CFHR5: variants seen among roughly 807,000 people sequenced by gnomAD.
CFHR5 encodes the protein complement factor H related 5.
In CFHR5, 73 loss-of-function variants were observed where a neutral mutation model predicts 62.9. That is an observed-to-expected ratio of 1.16 (90% CI 0.96 to 1.41). The LOEUF (loss-of-function observed/expected upper bound fraction) is 1.41. CFHR5 is among the 40% of genes most tolerant of loss of function. The probability of loss-of-function intolerance (pLI) is 0.00; values close to 1 mark genes in which losing one functional copy is unlikely to be tolerated. For synonymous variants in CFHR5, 249 were observed against 227.2 expected (o/e 1.10, Z -0.86); for missense variants, 779 against 679.9 (o/e 1.15, Z -1.62).
chr1:196,986,879 T>A (rs1012700973), intron 3 of CFHR5, among the ~76,000 whole-genome samples: 1 of 152,200 alleles, frequency 6.6e-6, no homozygotes, highest in Non-Finnish European at 1.5e-5. Context: ...TATGGGTATA[T>A]ACCCAGTAAT....
chr1:196,985,717 C>G (rs1415734965), intron 3 of CFHR5, among the ~76,000 whole-genome samples: 1 of 152,090 alleles, frequency 6.6e-6, no homozygotes, highest in African/African-American at 2.4e-5. Context: ...CCAGCGTAAC[C>G]CATACAAGCT....
chr1:197,001,709 C>G (rs893682754), intron 7 of CFHR5, among the ~76,000 whole-genome samples: 18 of 131,926 alleles, frequency 1.4e-4, no homozygotes, highest in Admixed American at 6.1e-4. Context: ...CCCCTCCCCC[C>G]ACCCCACAAC....
chr1:196,995,903 A>G lies in CFHR5; in HGVS notation c.790+4A>G. 1 of 1,610,596 alleles carries G rather than the reference A, an allele frequency of 6.2e-7. No homozygotes were observed. Among genetic ancestry groups the G allele is most frequent in the Non-Finnish European group, 8.5e-7 (1 of 1,177,040 alleles). On this transcript the variant is annotated splice_donor_region_variant and intron_variant, in intron 5 of 9. Coordinates refer to ENST00000256785, the MANE Select transcript of CFHR5 (RefSeq NM_030787.4). ...ACAACTTTACCCACTTGTGTTGGTA[A>G]ATAAATATTAACATTTAAACAGGAC...
At chr1:196,992,394 T>G (rs1283249938) in intron 3 of CFHR5, among the ~76,000 whole-genome samples, 1 of 151,898 alleles carries the variant, frequency 6.6e-6, no homozygotes, top group Non-Finnish European at 1.5e-5. Flanking sequence ...GTGCAGTATT[T>G]GTGTGTGAGT....
chr1:196,977,917 C>G (rs1653439422), intron 1 of CFHR5, among the ~76,000 whole-genome samples, 195 bp downstream of exon 1: 1 of 152,122 alleles, frequency 6.6e-6, no homozygotes, highest in Admixed American at 6.5e-5. Flanking sequence ...AATTAATTCT[C>G]TCCGTTCTCT....
intron 3 of CFHR5, among the ~76,000 whole-genome samples, chr1:196,988,627 TCACG>T (rs1176718792): frequency 5.3e-5 from 8 of 152,160 alleles, no homozygotes; most frequent in Non-Finnish European, 8.8e-5. Flanking sequence ...ATTGAGATAA[TCACG>T]TGTTTTTGTC....
chr1:196,980,653 G>T (rs1381862536), intron 1 of CFHR5, among the ~76,000 whole-genome samples: 1 of 151,306 alleles, frequency 6.6e-6, no homozygotes, highest in Non-Finnish European at 1.5e-5. Context: ...TATATTCACA[G>T]TATTCTATCA....
Position 197,008,477 on chromosome 1 carries a change from C to A in CFHR5, c.1514-10C>A. On this transcript the variant is annotated splice_polypyrimidine_tract_variant and intron_variant, in intron 9 of 9. Transcript: ENST00000256785. Reference sequence around the variant, plus strand: ...ATTTATTTATTTTATTTTACCATTTCTTCTTTCAGATCCATGTGTGGTATC... The same window carrying A: ...ATTTATTTATTTTATTTTACCATTTATTCTTTCAGATCCATGTGTGGTATC... 2 of 1,508,990 alleles carry A rather than the reference C, an allele frequency of 1.3e-6. No individual in the cohort carries two copies. The highest frequency in any genetic ancestry group is 1.8e-6 in the Non-Finnish European group (2 of 1,106,596). The allele number at this position is 1,508,990 out of a possible 1,614,324, so 93.5% of individuals were successfully genotyped here.
At chr1:197,002,817 AG>A (rs1449932711) in intron 8 of CFHR5, among the ~76,000 whole-genome samples, 153 bp downstream of exon 8, 7 of 152,202 alleles carry the variant, frequency 4.6e-5, no homozygotes, top group Admixed American at 1.3e-4. Context: ...CATTTAAAAA[AG>A]TTTCTCTAAG....
At chr1:196,992,817 T>C (rs2125032764) in intron 3 of CFHR5, among the ~76,000 whole-genome samples, 1 of 152,326 alleles carries the variant, frequency 6.6e-6, no homozygotes, top group African/African-American at 2.4e-5. Context: ...AGACACATTC[T>C]CTTGGGATTT....
chr1:197,008,300 A>T (rs1654344404), intron 9 of CFHR5, among the ~76,000 whole-genome samples, 187 bp from the exon 10 acceptor site: 1 of 151,626 alleles, frequency 6.6e-6, no homozygotes, highest in Non-Finnish European at 1.5e-5. Flanking sequence ...TTATTTCCTC[A>T]TATGTAGCCC....
intron 7 of CFHR5, among the ~76,000 whole-genome samples, chr1:196,999,722 T>TATATATATATATATACAC (rs1164729053): frequency 2.6e-5 from 3 of 116,194 alleles, no homozygotes; most frequent in African/African-American, 1.0e-4. Flanking sequence ...TATATATATA[T>TATATATATATATATACAC]ACACACACAC....
chr1:197,006,472 A>C (rs746443384), intron 9 of CFHR5, among the ~76,000 whole-genome samples: 1 of 152,070 alleles, frequency 6.6e-6, no homozygotes, highest in African/African-American at 2.4e-5. Context: ...GCACTTTGGG[A>C]GGCCAAGGCA....
chr1:196,975,365 T>C (rs1653373632), upstream of CFHR5, among the ~76,000 whole-genome samples: 1 of 152,222 alleles, frequency 6.6e-6, no homozygotes, highest in Non-Finnish European at 1.5e-5. Context: ...GCTTTTGTTG[T>C]TGCTCTTCAT....
chr1:197,007,792 T>A (rs1264430164), intron 9 of CFHR5, among the ~76,000 whole-genome samples: 1 of 147,484 alleles, frequency 6.8e-6, no homozygotes, highest in Non-Finnish European at 1.5e-5. Context: ...TATATTATAT[T>A]ATACATTATA....
rs1329467004 is a variant in CFHR5 at position 197,002,601 on chromosome 1, C to T, written c.1267C>T (p.Leu423Phe). Reference sequence around the variant, plus strand: ...TGTTCTCTGTAAAGAAAACTATCTACTTCCAGAAGCAAAAGAAATTGTATG... The same window carrying T: ...TGTTCTCTGTAAAGAAAACTATCTATTTCCAGAAGCAAAAGAAATTGTATG... ...VAVLCKENYLLPEAKEIVCKD... is the reference protein window; with the variant it reads ...VAVLCKENYLFPEAKEIVCKD... Residue 423 changes from leucine to phenylalanine, a missense_variant, in exon 8 of 10, where the codon CTT becomes TTT. Coordinates refer to ENST00000256785, the MANE Select transcript of CFHR5 (RefSeq NM_030787.4). The T allele has an allele frequency of 1.1e-5, 18 of 1,613,442 alleles. No homozygotes were observed. The highest frequency in any genetic ancestry group is 1.5e-5 in the Non-Finnish European group (18 of 1,179,548).
At chr1:197,007,496 G>A (rs1011009247) in intron 9 of CFHR5, among the ~76,000 whole-genome samples, 1 of 151,276 alleles carries the variant, frequency 6.6e-6, no homozygotes, top group Non-Finnish European at 1.5e-5. Context: ...CTAGGAGATC[G>A]GCAAAAAGAA....
At chr1:196,998,456 G>C in intron 7 of CFHR5, 152 bp downstream of exon 7, 1 of 696,876 alleles carries the variant, frequency 1.4e-6, no homozygotes, top group Non-Finnish European at 2.4e-6. Context: ...ACTCTTTCCA[G>C]ACAAATGTTA....
chr1:196,994,163 A>C lies in CFHR5; in HGVS notation c.514A>C (p.Lys172Gln), dbSNP rs1372940881. 2.5e-6 allele frequency: 4 copies of C among 1,613,572 alleles called. No individual in the cohort carries two copies. In the Middle Eastern group the frequency reaches 5.0e-4, roughly 200 times the overall value. Residue 172 changes from lysine to glutamine, a missense_variant, in exon 4 of 10, where the codon AAA becomes CAA. Lys to Gln is a moderately conservative substitution (Grantham distance 53, BLOSUM62 1). Coordinates refer to ENST00000256785, the MANE Select transcript of CFHR5 (RefSeq NM_030787.4). ...KESYKVGDVL[K>Q]FSCRKNLIRV... ...AAGCTACAAAGTTGGAGACGTGTTG[A>C]AATTCTCCTGCAGAAAAAATCTTAT...
Sources: allele counts gnomAD v4.1 joint callset (sites outside exome capture counted in the v4.1 genomes callset), GRCh38; gene constraint gnomAD v4.1.1; transcripts MANE v1.5; gene names NCBI Gene and HGNC (gene_info 2026-07-23, HGNC 2026-07-21).